The following PTPRT variants were observed in gnomAD, a reference collection of about 807,000 sequenced individuals.
PTPRT encodes receptor-type tyrosine-protein phosphatase T.
PTPRT carries 56 observed loss-of-function variants against 176.8 expected under a neutral mutation model. The ratio of observed to expected loss-of-function variants is 0.32; its 90% CI spans 0.26 to 0.40. The LOEUF (loss-of-function observed/expected upper bound fraction) is 0.40. PTPRT is among the 10% of genes least tolerant of loss of function. The pLI, the probability that PTPRT is intolerant of heterozygous loss-of-function variation, is 1.00. For missense variants in PTPRT, 1,540 were observed against 1,908.2 expected (o/e 0.81, Z 3.60); for synonymous variants, 783 against 739.0 (o/e 1.06, Z -0.96).
At chr20:42,477,457 G>A (rs1272071540) in intron 7 of PTPRT, among the ~76,000 whole-genome samples, 2 of 152,164 alleles carry the variant, frequency 1.3e-5, no homozygotes, top group Admixed American at 6.5e-5. Flanking sequence ...AGGTTTTAGA[G>A]TGTGATGGAA....
At chr20:42,641,636 T>C (rs980270549) in intron 7 of PTPRT, among the ~76,000 whole-genome samples, 1 of 152,158 alleles carries the variant, frequency 6.6e-6, no homozygotes, top group African/African-American at 2.4e-5. Flanking sequence ...TAAGGCTGAA[T>C]GTAATTCTTT....
intron 7 of PTPRT, among the ~76,000 whole-genome samples, chr20:42,520,061 C>T (rs571271338): frequency 6.6e-6 from 1 of 152,116 alleles, no homozygotes; most frequent in South Asian, 2.1e-4. Flanking sequence ...TATAACTACA[C>T]CAACTCTCTT....
intron 1 of PTPRT, among the ~76,000 whole-genome samples, chr20:42,944,786 G>C (rs1175008917): frequency 6.6e-6 from 1 of 152,142 alleles, no homozygotes; most frequent in Non-Finnish European, 1.5e-5. Flanking sequence ...TTAAGCACTT[G>C]GTTGGTTTTA....
At chr20:42,590,113 T>C (rs1318262977) in intron 7 of PTPRT, among the ~76,000 whole-genome samples, 6 of 152,174 alleles carry the variant, frequency 3.9e-5, no homozygotes, top group African/African-American at 1.4e-4. Context: ...CCAGCCACTA[T>C]GCTGGGAGGA....
chr20:42,480,666 G>A (rs1017819641), intron 7 of PTPRT, among the ~76,000 whole-genome samples: 3 of 152,214 alleles, frequency 2.0e-5, no homozygotes, highest in African/African-American at 4.8e-5. Flanking sequence ...GGGAAGTACT[G>A]GGCTTCTGGA....
chr20:42,918,266 T>G (rs1290423938), intron 1 of PTPRT, among the ~76,000 whole-genome samples: 1 of 152,174 alleles, frequency 6.6e-6, no homozygotes, highest in African/African-American at 2.4e-5. Flanking sequence ...ACCCAAGCCC[T>G]GTGCTCCTGG....
At chr20:42,165,807 G>A (rs777097623) in intron 16 of PTPRT, among the ~76,000 whole-genome samples, 7 of 152,194 alleles carry the variant, frequency 4.6e-5, no homozygotes, top group Non-Finnish European at 7.3e-5. Flanking sequence ...GAGTTCTAGA[G>A]TCACACAGTG....
At chr20:42,365,331 T>C (rs1246913212) in intron 9 of PTPRT, among the ~76,000 whole-genome samples, 1 of 152,222 alleles carries the variant, frequency 6.6e-6, no homozygotes, top group Non-Finnish European at 1.5e-5. Flanking sequence ...GAAATGTATT[T>C]AGACTTTCTG....
chr20:42,413,527 A>C (rs1330451861), intron 9 of PTPRT, among the ~76,000 whole-genome samples: 2 of 152,166 alleles, frequency 1.3e-5, no homozygotes, highest in Non-Finnish European at 2.9e-5. Context: ...TGGACGCAAA[A>C]ATTTTAAATT....
chr20:42,511,373 G>C (rs531048717), intron 7 of PTPRT, among the ~76,000 whole-genome samples: 2 of 152,252 alleles, frequency 1.3e-5, no homozygotes, highest in African/African-American at 4.8e-5. Context: ...ACAGTGGGAA[G>C]TCTAGGGGAA....
chr20:42,692,609 C>G (rs975633603), intron 6 of PTPRT, among the ~76,000 whole-genome samples: 1 of 152,190 alleles, frequency 6.6e-6, no homozygotes, highest in African/African-American at 2.4e-5. Context: ...ATACTACACA[C>G]TTTTCCCTGA....
Position 42,660,621 on chromosome 20 carries a change from T to C in PTPRT, c.1153+17245A>G, listed in dbSNP as rs60889779. 4.5e-3 allele frequency among the ~76,000 whole-genome samples: 680 copies of C among 152,320 alleles called. 7 individuals are homozygous for C. The highest frequency in any genetic ancestry group is 0.016 in the African/African-American group (664 of 41,558). ...TTATGATTTTCCAACTTTTCTCCAG[T>C]GCACACATTTGTCTCCACAACATTC... On this transcript the variant is annotated intron_variant, in intron 7 of 30. Coordinates refer to ENST00000373187, the MANE Select transcript of PTPRT (RefSeq NM_007050.6).
chr20:43,126,337 C>G (rs1367956438), intron 1 of PTPRT, among the ~76,000 whole-genome samples: 1 of 142,244 alleles, frequency 7.0e-6, no homozygotes, highest in African/African-American at 2.6e-5. Context: ...GGCAACAGAG[C>G]AAGACTTCGT....
chr20:42,838,602 T>G (rs1277588708), intron 2 of PTPRT, among the ~76,000 whole-genome samples: 1 of 152,190 alleles, frequency 6.6e-6, no homozygotes, highest in Non-Finnish European at 1.5e-5. Context: ...TCTTGGGATA[T>G]CTGGGCTGTA....
At chr20:42,666,420 G>T (rs891756491) in intron 7 of PTPRT, among the ~76,000 whole-genome samples, 27 of 151,950 alleles carry the variant, frequency 1.8e-4, no homozygotes, top group African/African-American at 6.0e-4. Flanking sequence ...TCATTTCTGG[G>T]CTTTAATTAT....
chr20:42,395,470 CA>C (rs1242631649), intron 9 of PTPRT, among the ~76,000 whole-genome samples: 1 of 152,162 alleles, frequency 6.6e-6, no homozygotes, highest in East Asian at 1.9e-4. Flanking sequence ...TCCATTGGAT[CA>C]TTTCCCTTTA....
At chr20:42,975,080 G>A (rs768005060) in intron 1 of PTPRT, among the ~76,000 whole-genome samples, 7 of 152,000 alleles carry the variant, frequency 4.6e-5, no homozygotes, top group Non-Finnish European at 1.0e-4. Context: ...TCTGAACAAG[G>A]AAATAATCTG....
At chr20:42,234,148 T>C (rs1345652931) in intron 15 of PTPRT, among the ~76,000 whole-genome samples, 1 of 152,142 alleles carries the variant, frequency 6.6e-6, no homozygotes, top group Non-Finnish European at 1.5e-5. Flanking sequence ...TCCCAGGGAC[T>C]ACTATTCCTG....
intron 1 of PTPRT, among the ~76,000 whole-genome samples, chr20:43,163,943 T>A (rs1018945890): frequency 2.0e-5 from 3 of 152,158 alleles, no homozygotes; most frequent in African/African-American, 7.2e-5. Context: ...GATCCTTGCG[T>A]GCTATAAGGG....
Sources: gnomAD v4.1 joint callset for allele counts (sites outside exome capture counted in the v4.1 genomes callset) on GRCh38, gnomAD v4.1.1 for gene constraint, MANE v1.5 for transcripts, NCBI Gene and HGNC (gene_info 2026-07-23, HGNC 2026-07-21) for gene names.